PBX1: variants seen among roughly 807,000 people sequenced by gnomAD.
PBX1 encodes the protein pre-B-cell leukemia transcription factor 1.
In PBX1, 6 loss-of-function variants were observed where a neutral mutation model predicts 53.4. The ratio of observed to expected loss-of-function variants is 0.11; its 90% CI spans 0.06 to 0.22. The LOEUF (loss-of-function observed/expected upper bound fraction) is 0.22, where lower values mean the gene tolerates loss of function less well. Ranked by LOEUF, PBX1 falls within the 10% of genes least tolerant of loss-of-function variation. The pLI, the probability that PBX1 is intolerant of heterozygous loss-of-function variation, is 1.00. For synonymous variants in PBX1, 204 were observed against 212.3 expected, an observed-to-expected ratio of 0.96 and a Z score of 0.34; for missense variants, 251 against 551.4, an observed-to-expected ratio of 0.46 and a Z score of 5.46.
At chr1:164,748,980 C>T (rs768007145) in intron 2 of PBX1, among the ~76,000 whole-genome samples, 1 of 152,094 alleles carries the variant, frequency 6.6e-6, no homozygotes, top group Non-Finnish European at 1.5e-5. Flanking sequence ...TCCACCTTGA[C>T]ATTGATAGCT....
At chr1:164,654,271 A>G (rs1389995711) in intron 2 of PBX1, among the ~76,000 whole-genome samples, 2 of 152,192 alleles carry the variant, frequency 1.3e-5, no homozygotes, top group Non-Finnish European at 1.5e-5. Context: ...ACCTTGAACC[A>G]AAAAGGTAGG....
chr1:164,843,552 G>A (rs941096379), intron 8 of PBX1, among the ~76,000 whole-genome samples: 1 of 151,760 alleles, frequency 6.6e-6, no homozygotes, highest in Non-Finnish European at 1.5e-5. Flanking sequence ...TGGTTGGAGG[G>A]GGAGTGGAAA....
At chr1:164,869,021 T>C (rs1023451634) in intron 2 of PBX1, among the ~76,000 whole-genome samples, 2 of 152,200 alleles carry the variant, frequency 1.3e-5, no homozygotes, top group Non-Finnish European at 2.9e-5. Flanking sequence ...ACAGTTTCAA[T>C]AGTGTTTTTT....
At chr1:164,644,975 G>C (rs1659363556) in intron 2 of PBX1, among the ~76,000 whole-genome samples, 1 of 152,178 alleles carries the variant, frequency 6.6e-6, no homozygotes, top group African/African-American at 2.4e-5. Context: ...TCTGACTTTG[G>C]ACTAGGGACT....
intron 2 of PBX1, among the ~76,000 whole-genome samples, chr1:164,566,070 G>C (rs542431275): frequency 2.2e-4 from 34 of 152,008 alleles, no homozygotes; most frequent in Non-Finnish European, 4.0e-4. Context: ...TTTTGCATTT[G>C]TTAATGATTT....
intron 2 of PBX1, among the ~76,000 whole-genome samples, chr1:164,607,312 A>G (rs1656623142): frequency 6.6e-6 from 1 of 152,192 alleles, no homozygotes; most frequent in Non-Finnish European, 1.5e-5. Context: ...TGGTGTAGTA[A>G]GTGGGATGAA....
chr1:164,669,368 C>T (rs756055174), intron 2 of PBX1, among the ~76,000 whole-genome samples: 10 of 152,068 alleles, frequency 6.6e-5, no homozygotes, highest in South Asian at 4.1e-4. Flanking sequence ...GGGGAGAAAC[C>T]GCTGCACTGG....
rs115556867 is a variant in PBX1, at chr1:164,724,660, A to G, written c.266-67834A>G. Among the ~76,000 whole-genome samples the G allele has an allele frequency of 6.4e-3, 806 of 126,168 alleles. 10 individuals carry two copies. The highest frequency in any genetic ancestry group is 0.022 in the African/African-American group (768 of 34,332). The allele number at this position is 126,168 out of a possible 152,430, so 82.8% of individuals were successfully genotyped here. ...TTTTTCTTCACAGATGCCCATTGCA[A>G]TAGCTGCAGATTTTTTTTTTTTTTT... On this transcript the variant is annotated intron_variant, in intron 2 of 8. Coordinates refer to ENST00000420696, the MANE Select transcript of PBX1 (RefSeq NM_002585.4).
chr1:164,685,448 G>A (rs1168870450), intron 2 of PBX1, among the ~76,000 whole-genome samples: 1 of 152,170 alleles, frequency 6.6e-6, no homozygotes, highest in Non-Finnish European at 1.5e-5. Context: ...CATGCTTCCT[G>A]TGGTGGAAGA....
At chr1:164,711,976 T>C (rs1663811441) in intron 2 of PBX1, among the ~76,000 whole-genome samples, 1 of 151,890 alleles carries the variant, frequency 6.6e-6, no homozygotes, top group South Asian at 2.1e-4. Flanking sequence ...CTGTAGTGGT[T>C]CCCCTTTGCT....
At chr1:164,794,346 A>G (rs577049933) in intron 3 of PBX1, among the ~76,000 whole-genome samples, 1 of 152,222 alleles carries the variant, frequency 6.6e-6, no homozygotes, top group African/African-American at 2.4e-5. Context: ...AATTTTCATT[A>G]CTGCACTCCT....
chr1:164,738,758 A>G (rs1468902762), intron 2 of PBX1, among the ~76,000 whole-genome samples: 1 of 152,238 alleles, frequency 6.6e-6, no homozygotes, highest in Non-Finnish European at 1.5e-5. Flanking sequence ...AAAGCTGTCC[A>G]TGCTCAGATG....
rs150132870 is a variant in PBX1, at chr1:164,867,829, G to A, written n.258-31359G>A. 1.0e-3 allele frequency among the ~76,000 whole-genome samples: 158 copies of A among 152,312 alleles called. 2 individuals are homozygous for A. The highest frequency in any genetic ancestry group is 1.9e-3 in the Non-Finnish European group (127 of 68,030). ...CTAAATAACACTGCAATATCAGCGC[G>A]GCCCAGCCCGCAGCTTTTGCAGGAA... On this transcript the variant is annotated intron_variant and non_coding_transcript_variant, in intron 2 of 2. Coordinates refer to the PBX1 transcript ENST00000558796.
At chr1:164,779,777 C>T (rs896809694) in intron 2 of PBX1, among the ~76,000 whole-genome samples, 2 of 152,156 alleles carry the variant, frequency 1.3e-5, no homozygotes, top group African/African-American at 4.8e-5. Flanking sequence ...CAATGAAGTG[C>T]CATCAACAAG....
intron 4 of PBX1, among the ~76,000 whole-genome samples, chr1:164,802,673 T>C (rs987181281): frequency 6.6e-6 from 1 of 152,172 alleles, no homozygotes; most frequent in African/African-American, 2.4e-5. Context: ...AACTAACCTT[T>C]CGGCCCTTTA....
At chr1:164,753,028 C>G (rs985750438) in intron 2 of PBX1, among the ~76,000 whole-genome samples, 1 of 152,158 alleles carries the variant, frequency 6.6e-6, no homozygotes, top group Non-Finnish European at 1.5e-5. Flanking sequence ...TTCTTACTAG[C>G]AAACATGAGT....
intron 2 of PBX1, among the ~76,000 whole-genome samples, chr1:164,603,929 ATT>A (rs71583414): frequency 7.9e-5 from 6 of 75,760 alleles, no homozygotes; most frequent in African/African-American, 3.7e-4. Flanking sequence ...ATGTCATTTC[ATT>A]TTTTTTTTTT....
intron 2 of PBX1, among the ~76,000 whole-genome samples, chr1:164,882,114 C>T (rs1268745576): frequency 6.6e-6 from 1 of 151,680 alleles, no homozygotes; most frequent in African/African-American, 2.4e-5. Flanking sequence ...TTTAGTCCAA[C>T]CCTTTTTTTT....
chr1:164,687,969 ACT>A (rs1370335653), intron 2 of PBX1, among the ~76,000 whole-genome samples: 3 of 151,704 alleles, frequency 2.0e-5, no homozygotes, highest in Admixed American at 6.6e-5. Flanking sequence ...CCTATTTGAG[ACT>A]CTGTTATGAT....
Sources: gnomAD v4.1 joint callset for allele counts (sites outside exome capture counted in the v4.1 genomes callset) on GRCh38, gnomAD v4.1.1 for gene constraint, MANE v1.5 for transcripts, NCBI Gene and HGNC (gene_info 2026-07-23, HGNC 2026-07-21) for gene names.